The following LYRM4 variants were observed in gnomAD, a reference collection of about 807,000 sequenced individuals.
LYRM4 encodes LYR motif-containing protein 4.
A neutral mutation model predicts 11.7 loss-of-function variants in LYRM4; 9 were observed. That is an observed-to-expected ratio of 0.77 (90% CI 0.46 to 1.34). The LOEUF (loss-of-function observed/expected upper bound fraction) is 1.34. Ranked by LOEUF, LYRM4 falls within the 40% of genes most tolerant of loss-of-function variation. LYRM4 has a pLI of 0.00. For missense variants in LYRM4, 133 were observed against 112.5 expected (o/e 1.18, Z -0.82); for synonymous variants, 42 against 40.4 (o/e 1.04, Z -0.15).
intron 2 of LYRM4, chr6:5,187,052 CTGTATT>C: frequency 3.1e-6 from 3 of 965,936 alleles, no homozygotes; most frequent in Non-Finnish European, 3.7e-6. Flanking sequence ...AAACGAGGAA[CTGTATT>C]TGTAACAAAT....
chr6:5,255,173 C>T (rs1764608539), intron 1 of LYRM4, among the ~76,000 whole-genome samples: 1 of 152,154 alleles, frequency 6.6e-6, no homozygotes, highest in African/African-American at 2.4e-5. Context: ...AGTAGTTAGC[C>T]AAGGGACCAT....
rs1005646620 is a variant in LYRM4 at position 5,108,962 on chromosome 6, C to T, written c.*461G>A. ...AACTTGCCTTCACCAAGGCAGTTCT[C>T]GTCTCAGAGTTGAACCCTCCCTGAG... is the stretch of plus-strand genomic sequence containing the variant. On this transcript the variant is annotated 3_prime_UTR_variant, in exon 3 of 3. Transcript: ENST00000330636. 7.0e-6 allele frequency: 7 copies of T among 996,814 alleles called. No individual in the cohort carries two copies. Among genetic ancestry groups the T allele is most frequent in the Non-Finnish European group, 8.4e-6 (7 of 836,020 alleles). The allele number at this position is 996,814 out of a possible 1,614,324, so 61.7% of individuals were successfully genotyped here. A position where few individuals can be genotyped will look rare whatever the true frequency, so the allele number is the denominator to read the frequency against.
intron 1 of LYRM4, chr6:5,218,361 C>G (rs374463323): frequency 7.1e-6 from 7 of 985,072 alleles, no homozygotes; most frequent in Non-Finnish European, 8.4e-6. Flanking sequence ...TTGGGAGCAG[C>G]GCGGAGGGGG....
rs564789257 is a variant in LYRM4, at chr6:5,219,411, C to T, written c.87-2673G>A. ...AATCAAGAGTCATGATTCAAATTTT[C>T]GATGCACTTTCGAGATGAATGCTGT... On this transcript the variant is annotated intron_variant, in intron 1 of 2. Transcript: ENST00000330636. Among the ~76,000 whole-genome samples the T allele has an allele frequency of 7.2e-5, 11 of 152,298 alleles. No individual in the cohort carries two copies. The East Asian group carries it at 1.5e-3, about 21-fold the overall frequency.
intron 2 of LYRM4, among the ~76,000 whole-genome samples, chr6:5,199,259 A>G (rs1254097658): frequency 6.6e-6 from 1 of 152,232 alleles, no homozygotes; most frequent in Non-Finnish European, 1.5e-5. Flanking sequence ...TACAACATGG[A>G]TGAACCTTGC....
intron 2 of LYRM4, among the ~76,000 whole-genome samples, chr6:5,110,926 G>A (rs1256880044): frequency 1.3e-5 from 2 of 152,174 alleles, no homozygotes; most frequent in African/African-American, 2.4e-5. Flanking sequence ...TGGCAAGGTC[G>A]GAAATCATCT....
intron 2 of LYRM4, among the ~76,000 whole-genome samples, chr6:5,155,546 T>C (rs369999681): frequency 2.0e-5 from 3 of 152,170 alleles, no homozygotes; most frequent in Non-Finnish European, 4.4e-5. Context: ...TCACTGGCTG[T>C]GGGTGTTGGA....
At chr6:5,167,862 G>A (rs906057239) in intron 2 of LYRM4, among the ~76,000 whole-genome samples, 11 of 151,856 alleles carry the variant, frequency 7.2e-5, no homozygotes, top group African/African-American at 2.7e-4. Flanking sequence ...CTCAGCTTCT[G>A]ATATAACTAT....
At chr6:5,140,371 A>G (rs894550604) in intron 2 of LYRM4, among the ~76,000 whole-genome samples, 3 of 152,208 alleles carry the variant, frequency 2.0e-5, no homozygotes, top group African/African-American at 4.8e-5. Context: ...GTCTTTTAAC[A>G]ATACTTAAAA....
rs141050224 is a variant in LYRM4 at position 5,141,685 on chromosome 6, G to A, written c.208-32194C>T. On this transcript the variant is annotated intron_variant, in intron 2 of 2. Coordinates refer to ENST00000330636, the MANE Select transcript of LYRM4 (RefSeq NM_020408.6). ...GCATGACCAGCATCTCAACACTCAC[G>A]GAGGTCAGAGCTGGAAGGGATTCTA... is the stretch of plus-strand genomic sequence containing the variant. Among the ~76,000 whole-genome samples, 28 of 152,214 alleles carry A rather than the reference G, an allele frequency of 1.8e-4. 1 individual carries two copies. The East Asian group carries it at 4.1e-3, about 22-fold the overall frequency.
chr6:5,060,908 A>G, the LYRM4 span, among the ~76,000 whole-genome samples: 1 of 152,218 alleles, frequency 6.6e-6, no homozygotes, highest in African/African-American at 2.4e-5. Context: ...AACTAGTTAT[A>G]CCAGTGGTAT....
intron 1 of LYRM4, among the ~76,000 whole-genome samples, chr6:5,232,933 TTAAC>T (rs2127744660): frequency 6.6e-6 from 1 of 152,336 alleles, no homozygotes; most frequent in East Asian, 1.9e-4. Flanking sequence ...GTAGACCAAC[TTAAC>T]TGAGTTCCAT....
chr6:5,085,852 G>C, the LYRM4 span: 1 of 1,529,892 alleles, frequency 6.5e-7, no homozygotes, highest in South Asian at 1.2e-5. Flanking sequence ...CGGCCCGGGC[G>C]GCTGCTGCGC....
At chr6:5,071,577 T>C in the LYRM4 span, among the ~76,000 whole-genome samples, 1 of 151,920 alleles carries the variant, frequency 6.6e-6, no homozygotes, top group Non-Finnish European at 1.5e-5. Context: ...TATATGTATA[T>C]ATATGTGTAT....
At position 5,135,987 on chromosome 6, in the gene LYRM4, A is replaced by G. The variant is rs74294874; in HGVS notation, c.208-26496T>C. On this transcript the variant is annotated intron_variant, in intron 2 of 2. Transcript: ENST00000330636. ...GTAGGGGGACTCTAGGGACCGCCGT[A>G]AGTGGAATCATACAGCATTTGTTTC... is the stretch of plus-strand genomic sequence containing the variant. Among the ~76,000 whole-genome samples, 977 of 152,322 alleles carry G rather than the reference A, an allele frequency of 6.4e-3. 36 individuals are homozygous for G. The East Asian group carries it at 0.094, about 15-fold the overall frequency.
intron 1 of LYRM4, among the ~76,000 whole-genome samples, chr6:5,221,512 G>A (rs1269372630): frequency 6.6e-6 from 1 of 151,942 alleles, no homozygotes; most frequent in Non-Finnish European, 1.5e-5. Flanking sequence ...GGTCAACATG[G>A]TGAAACCCTG....
the LYRM4 span, chr6:5,033,761 C>CTTCG: frequency 6.6e-6 from 1 of 152,470 alleles, no homozygotes; most frequent in South Asian, 2.1e-4. Context: ...GCCTCTCCAT[C>CTTCG]TTCGTCTCCA....
intron 1 of LYRM4, among the ~76,000 whole-genome samples, chr6:5,236,782 TA>T (rs567524087): frequency 0.021 from 2,667 of 128,600 alleles, 41 homozygotes; most frequent in South Asian, 0.05. Flanking sequence ...ACCCTGTCTC[TA>T]AAAAAAAAAA....
intron 2 of LYRM4, among the ~76,000 whole-genome samples, chr6:5,200,022 A>G (rs1761296462): frequency 6.6e-6 from 1 of 152,242 alleles, no homozygotes; most frequent in South Asian, 2.1e-4. Context: ...TTCTTGGTAT[A>G]TAGGTATATT....
Sources: allele counts gnomAD v4.1 joint callset (sites outside exome capture counted in the v4.1 genomes callset), GRCh38; gene constraint gnomAD v4.1.1; transcripts MANE v1.5; gene names NCBI Gene and HGNC (gene_info 2026-07-23, HGNC 2026-07-21).